IL1RAPL2: variants seen among roughly 807,000 people sequenced by gnomAD.
The protein encoded by IL1RAPL2 is X-linked interleukin-1 receptor accessory protein-like 2.
IL1RAPL2 carries 3 observed loss-of-function variants against 44.1 expected under a neutral mutation model. The observed-to-expected ratio is 0.07, with a 90% CI of 0.03 to 0.18. The LOEUF (loss-of-function observed/expected upper bound fraction) is 0.18, where lower values mean the gene tolerates loss of function less well. Ranked by LOEUF, IL1RAPL2 falls within the 10% of genes least tolerant of loss-of-function variation. The pLI, the probability that IL1RAPL2 is intolerant of heterozygous loss-of-function variation, is 1.00. For missense variants in IL1RAPL2, 391 were observed against 496.4 expected (o/e 0.79, Z 2.02); for synonymous variants, 181 against 178.8 (o/e 1.01, Z -0.10).
chrX:105,085,463 C>T (rs1232311360), intron 2 of IL1RAPL2, among the ~76,000 whole-genome samples: 1 of 112,081 alleles, frequency 8.9e-6, no homozygotes, highest in African/African-American at 3.2e-5. Context: ...CAAATTAAAA[C>T]CACAATGAGA....
intron 6 of IL1RAPL2, among the ~76,000 whole-genome samples, chrX:105,651,923 T>A (rs974741709): frequency 1.8e-5 from 2 of 111,888 alleles, no homozygotes; most frequent in African/African-American, 3.2e-5. Flanking sequence ...TATGAGAAAA[T>A]GTGATCCCAT....
intron 6 of IL1RAPL2, among the ~76,000 whole-genome samples, chrX:105,535,236 A>C (rs948679588): frequency 2.8e-4 from 31 of 112,029 alleles, no homozygotes; most frequent in Admixed American, 6.6e-4. Context: ...GGAAATGCAC[A>C]TTAAAGTGAT....
intron 2 of IL1RAPL2, among the ~76,000 whole-genome samples, chrX:105,051,821 AAC>A (rs1437802953): frequency 2.8e-5 from 3 of 105,915 alleles, no homozygotes; most frequent in East Asian, 3.2e-4. Context: ...GAACAATGAG[AAC>A]ACATGAACAC....
intron 2 of IL1RAPL2, among the ~76,000 whole-genome samples, chrX:104,918,101 T>C (rs772077494): frequency 6.1e-4 from 69 of 112,453 alleles, no homozygotes; most frequent in Middle Eastern, 4.6e-3. Context: ...AACTATAGAA[T>C]TTTCCATGGT....
chrX:104,796,231 A>G (rs1275488231), intron 2 of IL1RAPL2, among the ~76,000 whole-genome samples: 1 of 112,508 alleles, frequency 8.9e-6, no homozygotes, highest in Non-Finnish European at 1.9e-5. Flanking sequence ...TAAGAATGCA[A>G]CATAAAAATG....
chrX:104,610,629 G>A (rs1471807604), intron 1 of IL1RAPL2, among the ~76,000 whole-genome samples: 2 of 111,485 alleles, frequency 1.8e-5, no homozygotes, highest in African/African-American at 3.3e-5. Flanking sequence ...AAATAAAAGA[G>A]GACACAAACA....
At chrX:105,409,848 A>ATAGATAGATAGG (rs1165490484) in intron 5 of IL1RAPL2, among the ~76,000 whole-genome samples, 1 of 83,867 alleles carries the variant, frequency 1.2e-5, no homozygotes, top group Non-Finnish European at 2.4e-5. Context: ...AGATAGATAG[A>ATAGATAGATAGG]CAGACAGACA....
chrX:104,916,007 C>T (rs1243071431), intron 2 of IL1RAPL2, among the ~76,000 whole-genome samples: 3 of 111,900 alleles, frequency 2.7e-5, no homozygotes, highest in Non-Finnish European at 3.8e-5. Context: ...TAGCGTGATG[C>T]CTCCAGCTTT....
At chrX:105,238,995 C>G (rs1235367400) in intron 4 of IL1RAPL2, among the ~76,000 whole-genome samples, 1 of 111,573 alleles carries the variant, frequency 9.0e-6, no homozygotes, top group African/African-American at 3.3e-5. Flanking sequence ...GAGGATAATA[C>G]CAAGAGTTTG....
chrX:105,406,593 A>C, intron 5 of IL1RAPL2: 1 of 1,188,478 alleles, frequency 8.4e-7, no homozygotes, highest in Non-Finnish European at 1.1e-6. Context: ...TCGATACATT[A>C]ACTTCAAAAT....
Position 104,667,464 on chromosome X carries a change from C to T in IL1RAPL2, c.82+8469C>T, listed in dbSNP as rs756182689. On this transcript the variant is annotated intron_variant, in intron 2 of 10. Transcript: ENST00000372582. ...GTGCTCCTATATGCCAGGCACTTTA[C>T]ATACATTGTCTCCTAATACAAAGAC... Among the ~76,000 whole-genome samples, 10 of 111,401 alleles carry T rather than the reference C, an allele frequency of 9.0e-5. No individual in the cohort carries two copies. The East Asian group carries it at 2.8e-3, about 32-fold the overall frequency.
Position 104,941,481 on chromosome X carries a change from G to T in IL1RAPL2, c.83-253994G>T, listed in dbSNP as rs760575821. Among the ~76,000 whole-genome samples the T allele has an allele frequency of 1.5e-3, 164 of 111,898 alleles. 1 individual carries two copies. The highest frequency in any genetic ancestry group is 4.9e-3 in the African/African-American group (151 of 30,787). Reference sequence around the variant, plus strand: ...ATGAGGAGCATTTTTTCATGTGTCTGTTGGCTGCATAAATGTCTTTTGAGA... The same window carrying T: ...ATGAGGAGCATTTTTTCATGTGTCTTTTGGCTGCATAAATGTCTTTTGAGA... On this transcript the variant is annotated intron_variant, in intron 2 of 10. Coordinates refer to ENST00000372582, the MANE Select transcript of IL1RAPL2 (RefSeq NM_017416.2).
chrX:104,713,388 G>A lies in IL1RAPL2; in HGVS notation c.82+54393G>A, dbSNP rs1336111347. On this transcript the variant is annotated intron_variant, in intron 2 of 10. Coordinates refer to ENST00000372582, the MANE Select transcript of IL1RAPL2 (RefSeq NM_017416.2). ...CTAACAAGCCCCCTACACAGACCAC[G>A]AATATGAGCTCAAAGCACATTACTT... Among the ~76,000 whole-genome samples the A allele has an allele frequency of 6.3e-5, 7 of 110,587 alleles. No individual in the cohort carries two copies. In the East Asian group the frequency reaches 2.0e-3, roughly 32 times the overall value.
chrX:105,041,763 C>T (rs1319493301), intron 2 of IL1RAPL2, among the ~76,000 whole-genome samples: 6 of 108,395 alleles, frequency 5.5e-5, no homozygotes, highest in African/African-American at 1.0e-4. Flanking sequence ...GAGCCCGCAT[C>T]GCCAAGTCAA....
intron 2 of IL1RAPL2, among the ~76,000 whole-genome samples, chrX:104,777,439 T>C (rs781628991): frequency 1.0e-4 from 11 of 110,076 alleles, no homozygotes; most frequent in Non-Finnish European, 1.7e-4. Context: ...GTTCATTCAT[T>C]CATCTGTGGA....
intron 2 of IL1RAPL2, among the ~76,000 whole-genome samples, chrX:105,014,559 G>A (rs1304974665): frequency 1.8e-5 from 2 of 111,631 alleles, no homozygotes. Flanking sequence ...GTGAGAACAT[G>A]CAGTGTTTGG....
intron 5 of IL1RAPL2, among the ~76,000 whole-genome samples, chrX:105,442,120 G>A (rs926589463): frequency 1.8e-5 from 2 of 109,223 alleles, no homozygotes; most frequent in Admixed American, 2.0e-4. Flanking sequence ...GTGCGATCTC[G>A]GCTCACTGCA....
intron 2 of IL1RAPL2, among the ~76,000 whole-genome samples, chrX:104,887,267 A>G (rs924427892): frequency 1.8e-5 from 2 of 111,912 alleles, no homozygotes; most frequent in Admixed American, 9.5e-5. Flanking sequence ...AGCCTTCAAA[A>G]CCTTAAAGCA....
At chrX:104,632,056 A>G (rs1292638158) in intron 1 of IL1RAPL2, among the ~76,000 whole-genome samples, 2 of 111,761 alleles carry the variant, frequency 1.8e-5, no homozygotes, top group South Asian at 7.6e-4. Flanking sequence ...AGCTTTCTAC[A>G]TATGGCTAGC....
Sources: allele counts gnomAD v4.1 joint callset (sites outside exome capture counted in the v4.1 genomes callset), GRCh38; gene constraint gnomAD v4.1.1; transcripts MANE v1.5; gene names NCBI Gene and HGNC (gene_info 2026-07-23, HGNC 2026-07-21).